Variants in KCNA2 observed in about 807,000 individuals in gnomAD.
KCNA2 encodes the protein potassium channel, voltage gated shaker related subfamily A, member 2.
In KCNA2, 11 loss-of-function variants were observed where a neutral mutation model predicts 33.4. That is an observed-to-expected ratio of 0.33 (90% confidence interval 0.21 to 0.55). The LOEUF is 0.55. Among genes scored for constraint, KCNA2 ranks in the 20% least tolerant of loss-of-function variants. KCNA2 has a pLI of 0.93. For missense variants in KCNA2, 291 were observed against 621.6 expected (o/e 0.47, Z 5.66); for synonymous variants, 222 against 231.3 (o/e 0.96, Z 0.37).
intron 1 of KCNA2, among the ~76,000 whole-genome samples, chr1:110,629,307 A>G (rs1237713046): frequency 6.6e-6 from 1 of 152,170 alleles, no homozygotes; most frequent in Non-Finnish European, 1.5e-5. Context: ...ACAATCCCCA[A>G]TGGATATGAA....
chr1:110,602,249 CT>C lies in KCNA2; in HGVS notation c.*1033del, dbSNP rs1649392242. 3.3e-6 allele frequency: 5 copies of C among 1,531,502 alleles called. No individual in the cohort carries two copies. Among genetic ancestry groups the C allele is most frequent in the South Asian group, 1.2e-5 (1 of 81,932 alleles). 94.9% of individuals were successfully genotyped at this position (1,531,502 alleles called of 1,614,324 possible). On this transcript the variant is annotated 3_prime_UTR_variant, in exon 3 of 3. Transcript: ENST00000316361. ...TTCCAAATAGTCTATTTTTTTTCCC[CT>C]GATGGAGGGATTTTTGCCTTCTGAT... is the stretch of plus-strand genomic sequence containing the variant.
At chr1:110,611,021 GAAGGAAGGAAGGA>G (rs1570759616), upstream of KCNA2, among the ~76,000 whole-genome samples, 1 of 80,536 alleles carries the variant, frequency 1.2e-5, no homozygotes, top group East Asian at 6.2e-4. Context: ...ACAGAATGAG[GAAGGAAGGAAGGA>G]AGGAAGGAAG....
chr1:110,627,842 AT>A (rs1420638389), intron 1 of KCNA2, among the ~76,000 whole-genome samples: 2 of 151,110 alleles, frequency 1.3e-5, no homozygotes, highest in African/African-American at 2.4e-5. Context: ...AAAAAAAAAA[AT>A]AATAATAATG....
chr1:110,612,386 G>C (rs573132128), intron 1 of KCNA2, among the ~76,000 whole-genome samples: 1 of 152,314 alleles, frequency 6.6e-6, no homozygotes, highest in South Asian at 2.1e-4. Context: ...GAATAGTGTA[G>C]GTGATTGTAA....
chr1:110,601,574 C>T lies in KCNA2; in HGVS notation c.*1709G>A. On this transcript the variant is annotated 3_prime_UTR_variant, in exon 3 of 3. Coordinates refer to ENST00000316361, the MANE Select transcript of KCNA2 (RefSeq NM_004974.4). Reference sequence around the variant, plus strand: ...TGCACTCAGTAAGACAAGCTTCAGCCATGGGAACTGAAGCTGCAGCACATG... The same window carrying T: ...TGCACTCAGTAAGACAAGCTTCAGCTATGGGAACTGAAGCTGCAGCACATG... The T allele has an allele frequency of 2.0e-6, 2 of 988,908 alleles. No individual in the cohort carries two copies. Among genetic ancestry groups the T allele is most frequent in the Non-Finnish European group, 2.4e-6 (2 of 832,292 alleles). 61.3% of individuals were successfully genotyped at this position (988,908 alleles called of 1,614,324 possible). A position where few individuals can be genotyped will look rare whatever the true frequency, so the allele number is the denominator to read the frequency against.
rs1328376271 is a variant in KCNA2 at position 110,597,769 on chromosome 1, T to C, written c.*5514A>G. ...TGAGAGCAAGATTTTGAAAGAGCTA[T>C]TGCTAAAGAAAACAGTCACTATTTA... is the stretch of plus-strand genomic sequence containing the variant. On this transcript the variant is annotated 3_prime_UTR_variant, in exon 3 of 3. Transcript: ENST00000316361. 1 of 985,182 alleles carries C rather than the reference T, an allele frequency of 1.0e-6. No homozygotes were observed. The highest frequency in any genetic ancestry group is 1.2e-6 in the Non-Finnish European group (1 of 829,802). 61.0% of individuals were successfully genotyped at this position (985,182 alleles called of 1,614,324 possible).
intron 1 of KCNA2, among the ~76,000 whole-genome samples, chr1:110,615,252 G>T (rs1303007105): frequency 6.6e-6 from 1 of 152,170 alleles, no homozygotes; most frequent in Non-Finnish European, 1.5e-5. Flanking sequence ...TTACCTGAAT[G>T]CTAAGGAAGT....
intron 1 of KCNA2, among the ~76,000 whole-genome samples, chr1:110,618,151 G>A (rs1470476301): frequency 2.0e-5 from 3 of 152,174 alleles, no homozygotes; most frequent in Non-Finnish European, 2.9e-5. Flanking sequence ...AAACCAGCTT[G>A]TGCAACATAG....
chr1:110,597,620 C>G lies in KCNA2; in HGVS notation c.*5663G>C, dbSNP rs953133180. On this transcript the variant is annotated 3_prime_UTR_variant, in exon 3 of 3. Coordinates refer to ENST00000316361, the MANE Select transcript of KCNA2 (RefSeq NM_004974.4). ...TGTCCATTCCAGAAGGAGGTCAGAT[C>G]TCAAGAGGACAGGAGTCATGTGAAC... The G allele has an allele frequency of 1.0e-6, 1 of 985,266 alleles. No individual in the cohort carries two copies. The highest frequency in any genetic ancestry group is 6.1e-5 in the Admixed American group (1 of 16,264). The allele number at this position is 985,266 out of a possible 1,614,324, so 61.0% of individuals were successfully genotyped here. A position where few individuals can be genotyped will look rare whatever the true frequency, so the allele number is the denominator to read the frequency against.
upstream of KCNA2, among the ~76,000 whole-genome samples, chr1:110,607,092 C>A (rs1306924332): frequency 1.3e-5 from 2 of 152,102 alleles, no homozygotes; most frequent in Non-Finnish European, 2.9e-5. Context: ...TGGGACCTGC[C>A]GAGCAGACGG....
chr1:110,616,526 T>C (rs1650072727), intron 1 of KCNA2, among the ~76,000 whole-genome samples: 1 of 152,160 alleles, frequency 6.6e-6, no homozygotes, highest in South Asian at 2.1e-4. Flanking sequence ...AGTTAGATCA[T>C]AAATAAGCCA....
At chr1:110,626,059 A>G (rs1338269432) in intron 1 of KCNA2, among the ~76,000 whole-genome samples, 2 of 152,366 alleles carry the variant, frequency 1.3e-5, no homozygotes, top group Admixed American at 6.5e-5. Flanking sequence ...TTTCAAAACT[A>G]CAAATACATT....
upstream of KCNA2, among the ~76,000 whole-genome samples, chr1:110,608,825 C>G (rs890930877): frequency 2.6e-5 from 4 of 152,186 alleles, no homozygotes; most frequent in Non-Finnish European, 1.5e-5. Flanking sequence ...TCTGAAAAAT[C>G]AGGATGCCCC....
At chr1:110,609,081 T>C (rs1039930024), upstream of KCNA2, among the ~76,000 whole-genome samples, 3 of 151,996 alleles carry the variant, frequency 2.0e-5, no homozygotes, top group Non-Finnish European at 4.4e-5. Flanking sequence ...CTCTACCAAA[T>C]TGACCTCCAG....
chr1:110,613,705 G>A (rs1460365527), intron 1 of KCNA2, among the ~76,000 whole-genome samples: 1 of 152,210 alleles, frequency 6.6e-6, no homozygotes, highest in Non-Finnish European at 1.5e-5. Flanking sequence ...GGGCAGGGAG[G>A]AGGGTTTCCC....
chr1:110,597,699 G>C lies in KCNA2; in HGVS notation c.*5584C>G. The C allele has an allele frequency of 1.8e-5, 18 of 985,404 alleles. No individual in the cohort carries two copies. Among genetic ancestry groups the C allele is most frequent in the Non-Finnish European group, 2.2e-5 (18 of 829,934 alleles). 61.0% of individuals were successfully genotyped at this position (985,404 alleles called of 1,614,324 possible). On this transcript the variant is annotated 3_prime_UTR_variant, in exon 3 of 3. Transcript: ENST00000316361. ...CTGTGAATGAGCCCCCAGAAGTCAAGGGCATTATCTGATAATCCAGGTACT... is the reference window on the plus strand; with the variant it reads ...CTGTGAATGAGCCCCCAGAAGTCAACGGCATTATCTGATAATCCAGGTACT...
intron 1 of KCNA2, among the ~76,000 whole-genome samples, chr1:110,615,311 C>T (rs900519130): frequency 5.9e-5 from 9 of 152,294 alleles, no homozygotes; most frequent in East Asian, 1.9e-4. Context: ...GATAAAAAAA[C>T]GTGTTTGTTG....
chr1:110,604,000 C>T lies in KCNA2; in HGVS notation c.783G>A (p.Val261=), dbSNP rs774412814. The T allele has an allele frequency of 1.9e-6, 3 of 1,614,154 alleles. No homozygotes were observed. Among genetic ancestry groups the T allele is most frequent in the Non-Finnish European group, 2.5e-6 (3 of 1,180,022 alleles). ...FTNIMNIIDI[V]AIIPYFITLG... The stretch of plus-strand genomic sequence containing the variant: ...GGGTGATGAAGTAGGGGATGATGGC[C>T]ACAATGTCAATGATGTTCATGATGT... The change falls in exon 3 of 3, where the codon GTG becomes GTA. Residue 261 remains valine, a synonymous_variant. Coordinates refer to ENST00000316361, the MANE Select transcript of KCNA2 (RefSeq NM_004974.4). This position sits in a 1 kb window ranked among gnomAD's most constrained non-coding sequence, Gnocchi z 5.7.
In KCNA2 at chr1:110,604,351, C is replaced by T; in HGVS notation, c.432G>A (p.Glu144=). The change falls in exon 3 of 3, where the codon GAG becomes GAA. Residue 144 remains glutamate (E), a synonymous_variant. Coordinates refer to ENST00000316361, the MANE Select transcript of KCNA2 (RefSeq NM_004974.4). This position sits in a 1 kb window ranked among gnomAD's most constrained non-coding sequence, Gnocchi z 7.6. The part of the protein sequence containing the change: ...KEEERPLPEN[E]FQRQVWLLFE... Reference sequence around the variant, plus strand: ...AGAGAAGCCACACTTGTCTCTGAAACTCATTTTCAGGCAGAGGACGCTCTT... The same window carrying T: ...AGAGAAGCCACACTTGTCTCTGAAATTCATTTTCAGGCAGAGGACGCTCTT... 6.2e-7 allele frequency: 1 copy of T among 1,613,556 alleles called. No homozygotes were observed. The highest frequency in any genetic ancestry group is 8.5e-7 in the Non-Finnish European group (1 of 1,179,828).
Sources: gnomAD v4.1 joint callset for allele counts (sites outside exome capture counted in the v4.1 genomes callset) on GRCh38, gnomAD v4.1.1 for gene constraint, Gnocchi (gnomAD v3.1) non-coding constraint, MANE v1.5 for transcripts, NCBI Gene and HGNC (gene_info 2026-07-23, HGNC 2026-07-21) for gene names.